Variants in SH3GLB1 observed in about 807,000 individuals in gnomAD.
SH3GLB1 encodes SH3 domain containing GRB2 like, endophilin B1, also known as endophilin-B1.
Under a neutral mutation model 42.0 loss-of-function variants are expected in SH3GLB1, and 17 were observed. That is an observed-to-expected ratio of 0.40 (90% CI 0.28 to 0.61). The LOEUF (loss-of-function observed/expected upper bound fraction) is 0.61, where lower values mean the gene tolerates loss of function less well. Among genes scored for constraint, SH3GLB1 ranks in the 20% least tolerant of loss-of-function variants. The pLI, the probability that SH3GLB1 is intolerant of heterozygous loss-of-function variation, is 0.36. For synonymous variants in SH3GLB1, 132 were observed against 146.6 expected, an observed-to-expected ratio of 0.90 and a Z score of 0.72; for missense variants, 355 against 426.3, an observed-to-expected ratio of 0.83 and a Z score of 1.47.
At chr1:86,724,874 T>TAAAAAAAAAAAAAA (rs1165438979) in intron 5 of SH3GLB1, among the ~76,000 whole-genome samples, 1 of 97,940 alleles carries the variant, frequency 1.0e-5, no homozygotes, top group African/African-American at 4.9e-5. Flanking sequence ...ACCCTGTCTT[T>TAAAAAAAAAAAAAA]AAAAAAAAAA....
At chr1:86,725,200 A>G (rs1167017539) in intron 5 of SH3GLB1, among the ~76,000 whole-genome samples, 1 of 151,648 alleles carries the variant, frequency 6.6e-6, no homozygotes. Context: ...TGACTTAAAA[A>G]TTAGATCAGT....
chr1:86,717,183 A>C (rs1297783012), intron 2 of SH3GLB1, among the ~76,000 whole-genome samples: 1 of 152,226 alleles, frequency 6.6e-6, no homozygotes, highest in Non-Finnish European at 1.5e-5. Context: ...GTCTTTGGAC[A>C]CCATGTAATA....
chr1:86,722,990 G>C (rs567596379), intron 4 of SH3GLB1, among the ~76,000 whole-genome samples: 1 of 152,122 alleles, frequency 6.6e-6, no homozygotes, highest in African/African-American at 2.4e-5. Context: ...TATATATACC[G>C]TGTAGCTCTT....
chr1:86,730,707 G>A (rs1295956090), intron 5 of SH3GLB1, among the ~76,000 whole-genome samples: 1 of 151,860 alleles, frequency 6.6e-6, no homozygotes, highest in Non-Finnish European at 1.5e-5. Flanking sequence ...TCACCATGTT[G>A]GCCAGGCTGG....
chr1:86,730,175 A>G, intron 5 of SH3GLB1: 1 of 1,546,386 alleles, frequency 6.5e-7, no homozygotes, highest in Non-Finnish European at 8.7e-7. Flanking sequence ...TTCAGTAAAT[A>G]TGTATTGGGC....
chr1:86,705,318 C>T (rs1292217529), intron 1 of SH3GLB1, among the ~76,000 whole-genome samples: 4 of 152,196 alleles, frequency 2.6e-5, no homozygotes, highest in African/African-American at 9.7e-5. Flanking sequence ...GCTTGCGAGT[C>T]CTTTGCGGTA....
chr1:86,709,610 C>T (rs1654081146), intron 1 of SH3GLB1, among the ~76,000 whole-genome samples: 1 of 152,122 alleles, frequency 6.6e-6, no homozygotes, highest in Non-Finnish European at 1.5e-5. Context: ...GTGTTTTTAA[C>T]TCAGAATTCT....
intron 5 of SH3GLB1, among the ~76,000 whole-genome samples, chr1:86,729,022 T>TG (rs1184854619): frequency 3.9e-5 from 6 of 152,140 alleles, no homozygotes; most frequent in Non-Finnish European, 5.9e-5. Context: ...GGTGGAATGG[T>TG]GATAGCCTTG....
rs562697712 is a variant in SH3GLB1 at position 86,745,128 on chromosome 1, C to T, written c.*1893C>T. 6.6e-6 allele frequency: 1 copy of T among 152,158 alleles called. No individual in the cohort carries two copies. The highest frequency in any genetic ancestry group is 1.5e-5 in the Non-Finnish European group (1 of 68,032). 9.4% of individuals were successfully genotyped at this position (152,158 alleles called of 1,614,324 possible). A position where few individuals can be genotyped will look rare whatever the true frequency, so the allele number is the denominator to read the frequency against. ...TGTAGTAATACAGGGGAAAGAATAT[C>T]GGTAATGGAGTGAAATGGTCCTGGG... On this transcript the variant is annotated 3_prime_UTR_variant, in exon 9 of 9. Coordinates refer to ENST00000370558, the MANE Select transcript of SH3GLB1 (RefSeq NM_016009.5).
intron 5 of SH3GLB1, among the ~76,000 whole-genome samples, chr1:86,728,922 T>A (rs1220728023): frequency 6.6e-6 from 1 of 152,132 alleles, no homozygotes; most frequent in Non-Finnish European, 1.5e-5. Flanking sequence ...TTTCTGCCAT[T>A]TCAGGCCAAG....
chr1:86,717,597 T>C (rs1369270476), intron 2 of SH3GLB1, among the ~76,000 whole-genome samples: 1 of 152,044 alleles, frequency 6.6e-6, no homozygotes, highest in African/African-American at 2.4e-5. Context: ...AATTTTTGTA[T>C]TTTTAGTAGA....
intron 1 of SH3GLB1, among the ~76,000 whole-genome samples, chr1:86,709,746 T>G (rs1654091224): frequency 6.6e-6 from 1 of 152,238 alleles, no homozygotes; most frequent in African/African-American, 2.4e-5. Context: ...TCTAAACTGA[T>G]TATTAAAGTC....
chr1:86,730,605 T>C (rs1655456432), intron 5 of SH3GLB1, among the ~76,000 whole-genome samples: 1 of 152,112 alleles, frequency 6.6e-6, no homozygotes, highest in South Asian at 2.1e-4. Flanking sequence ...GTTCAACCGA[T>C]TCTCCTGCCT....
At chr1:86,736,285 A>G (rs1467581913) in intron 7 of SH3GLB1, among the ~76,000 whole-genome samples, 2 of 152,230 alleles carry the variant, frequency 1.3e-5, no homozygotes, top group Admixed American at 1.3e-4. Context: ...TGAATATCAA[A>G]AAATCGTTTC....
chr1:86,719,799 T>C (rs1654759362), intron 3 of SH3GLB1, among the ~76,000 whole-genome samples, 164 bp downstream of exon 3: 1 of 151,820 alleles, frequency 6.6e-6, no homozygotes. Flanking sequence ...ATCGAGACTA[T>C]CCTGGCTAAC....
intron 7 of SH3GLB1, among the ~76,000 whole-genome samples, chr1:86,736,723 C>T (rs1182044512): frequency 1.3e-5 from 2 of 152,158 alleles, no homozygotes; most frequent in African/African-American, 4.8e-5. Context: ...TCCAGCAATA[C>T]AAAGTAAAAC....
intron 1 of SH3GLB1, among the ~76,000 whole-genome samples, chr1:86,706,923 T>A (rs1653903308): frequency 6.6e-6 from 1 of 152,230 alleles, no homozygotes; most frequent in African/African-American, 2.4e-5. Flanking sequence ...GAAAAAGTTT[T>A]AAATTTTATG....
In SH3GLB1 at chr1:86,714,173, A is replaced by T. The variant is rs1051390589; in HGVS notation, c.73-1551A>T. Among the ~76,000 whole-genome samples, 11 of 152,298 alleles carry T rather than the reference A, an allele frequency of 7.2e-5. No homozygotes were observed. The South Asian group carries it at 2.3e-3, about 32-fold the overall frequency. On this transcript the variant is annotated intron_variant, in intron 1 of 8. Coordinates refer to ENST00000370558, the MANE Select transcript of SH3GLB1 (RefSeq NM_016009.5). ...TTCTTCCCTTCCTATTGGTCACTTT[A>T]TCTGGGAGTTATTTTATCTAGCCAT...
At chr1:86,714,819 C>T (rs925127618) in intron 1 of SH3GLB1, among the ~76,000 whole-genome samples, 2 of 152,182 alleles carry the variant, frequency 1.3e-5, no homozygotes, top group African/African-American at 4.8e-5. Context: ...GCATGATAAA[C>T]AGCTTGAGTC....
Sources: allele counts gnomAD v4.1 joint callset (sites outside exome capture counted in the v4.1 genomes callset), GRCh38; gene constraint gnomAD v4.1.1; transcripts MANE v1.5; gene names NCBI Gene and HGNC (gene_info 2026-07-23, HGNC 2026-07-21).